Variants in TAF15 observed in about 807,000 individuals in gnomAD.
TAF15 encodes the protein TATA-binding protein-associated factor 2N.
A neutral mutation model predicts 102.5 loss-of-function variants in TAF15; 37 were observed. The ratio of observed to expected loss-of-function variants is 0.36; its 90% CI spans 0.28 to 0.47. The LOEUF (loss-of-function observed/expected upper bound fraction) is 0.47. Among genes scored for constraint, TAF15 ranks in the 20% least tolerant of loss-of-function variants. The pLI is 0.99. For missense variants in TAF15, 652 were observed against 760.7 expected (o/e 0.86, Z 1.68); for synonymous variants, 273 against 259.2 (o/e 1.05, Z -0.51).
At chr17:35,820,525 T>A in intron 5 of TAF15, 88 bp downstream of exon 5, 2 of 1,301,532 alleles carry the variant, frequency 1.5e-6, no homozygotes, top group African/African-American at 1.5e-5. Context: ...ATCCTAGCTT[T>A]AAACTTTTTT....
At chr17:35,822,917 T>TCCCAGCAC in intron 6 of TAF15, 84 bp downstream of exon 6, 1 of 1,524,120 alleles carries the variant, frequency 6.6e-7, no homozygotes. Flanking sequence ...CCACAGAGGA[T>TCCCAGCAC]TTCACCTGTT....
intron 7 of TAF15, among the ~76,000 whole-genome samples, chr17:35,825,274 A>G (rs1181427047): frequency 6.6e-6 from 1 of 152,242 alleles, no homozygotes; most frequent in East Asian, 1.9e-4. Flanking sequence ...AAATGTTATA[A>G]GACTTGGACA....
intron 1 of TAF15, among the ~76,000 whole-genome samples, chr17:35,816,533 C>G (rs2087196649): frequency 6.6e-6 from 1 of 152,270 alleles, no homozygotes; most frequent in South Asian, 2.1e-4. Flanking sequence ...TGTTTTAGAA[C>G]TATTTGACAA....
chr17:35,821,451 A>G (rs1394326906), intron 5 of TAF15, among the ~76,000 whole-genome samples: 2 of 152,212 alleles, frequency 1.3e-5, no homozygotes, highest in South Asian at 4.1e-4. Flanking sequence ...TTTGACAGCC[A>G]TTTTAAAGTG....
At chr17:35,816,714 C>G (rs963215972) in intron 1 of TAF15, 49 of 151,898 alleles carry the variant, frequency 3.2e-4, no homozygotes, top group Admixed American at 1.6e-3. Context: ...TAAATAGAAC[C>G]TCTTCAGTAA....
In TAF15 at chr17:35,846,198, A is replaced by G. The variant is rs534745382; in HGVS notation, c.1740-708A>G. On this transcript the variant is annotated intron_variant, in intron 15 of 15. Transcript: ENST00000605844. Reference sequence around the variant, plus strand: ...TGGGAAGCAGACTGTCTGGGTTTCAATCCTAACTCTACCACTTATTAGCTG... The same window carrying G: ...TGGGAAGCAGACTGTCTGGGTTTCAGTCCTAACTCTACCACTTATTAGCTG... Among the ~76,000 whole-genome samples the G allele has an allele frequency of 3.9e-5, 6 of 152,344 alleles. No individual in the cohort carries two copies. In the South Asian group the frequency reaches 6.2e-4, roughly 16 times the overall value.
chr17:35,831,589 G>A (rs918249321), intron 7 of TAF15, among the ~76,000 whole-genome samples: 7 of 152,034 alleles, frequency 4.6e-5, no homozygotes, highest in African/African-American at 1.7e-4. Context: ...GTATGAAATT[G>A]CATGTTTTCC....
chr17:35,834,743 T>C (rs989017414), intron 9 of TAF15, 145 bp downstream of exon 9: 18 of 426,862 alleles, frequency 4.2e-5, no homozygotes, highest in Non-Finnish European at 5.5e-5. Flanking sequence ...TTTATTTCTT[T>C]TTTTTTTTTT....
At chr17:35,839,661 C>T (rs982570193) in intron 11 of TAF15, among the ~76,000 whole-genome samples, 4 of 152,026 alleles carry the variant, frequency 2.6e-5, no homozygotes, top group Non-Finnish European at 4.4e-5. Context: ...GGATTACAGG[C>T]GTGAGCCACC....
chr17:35,835,772 G>A (rs1024287694), intron 9 of TAF15, among the ~76,000 whole-genome samples: 2 of 152,196 alleles, frequency 1.3e-5, no homozygotes, highest in African/African-American at 4.8e-5. Flanking sequence ...ATGTTTAACC[G>A]TAAAGAATTA....
At chr17:35,833,868 C>T (rs1319963426) in intron 7 of TAF15, 39 bp from the exon 8 acceptor site, 2 of 1,612,192 alleles carry the variant, frequency 1.2e-6, no homozygotes, top group Non-Finnish European at 1.7e-6. Flanking sequence ...ACATTAGAGA[C>T]TTAAGGAAGA....
chr17:35,844,416 A>G, intron 14 of TAF15, 48 bp downstream of exon 14: 3 of 1,611,076 alleles, frequency 1.9e-6, no homozygotes, highest in East Asian at 2.2e-5. Context: ...TCTTCTGACT[A>G]GCATTAAGGG....
At chr17:35,839,946 T>C (rs2087523638) in intron 11 of TAF15, among the ~76,000 whole-genome samples, 1 of 152,140 alleles carries the variant, frequency 6.6e-6, no homozygotes, top group Non-Finnish European at 1.5e-5. Flanking sequence ...TTACTGAGGT[T>C]TATGAGCTAA....
At chr17:35,841,619 G>A (rs2087546658) in intron 11 of TAF15, among the ~76,000 whole-genome samples, 2 of 151,282 alleles carry the variant, frequency 1.3e-5, no homozygotes, top group Non-Finnish European at 2.9e-5. Context: ...GCCCAGGCTG[G>A]TCCCAAACTC....
At position 35,817,872 on chromosome 17, in the gene TAF15, G is replaced by C. The variant is rs542524749; in HGVS notation, c.47+117G>C. 21 of 877,774 alleles carry C rather than the reference G, an allele frequency of 2.4e-5. No homozygotes were observed. In the African/African-American group the frequency reaches 2.8e-4, roughly 12 times the overall value. 54.4% of individuals were successfully genotyped at this position (877,774 alleles called of 1,614,324 possible). On this transcript the variant is annotated intron_variant, in intron 2 of 15. Transcript: ENST00000605844. ...ATAAGTTAAATATTAGCTTGTCACA[G>C]AGTGAAGAGAGTCAGTGTAAATAGG...
At chr17:35,846,293 G>A (rs1465632212) in intron 15 of TAF15, among the ~76,000 whole-genome samples, 1 of 152,190 alleles carries the variant, frequency 6.6e-6, no homozygotes, top group Non-Finnish European at 1.5e-5. Context: ...GGGCTAATAA[G>A]ACGTCCTTTT....
chr17:35,816,292 T>C (rs955305774), intron 1 of TAF15, among the ~76,000 whole-genome samples: 2 of 152,234 alleles, frequency 1.3e-5, no homozygotes, highest in Non-Finnish European at 2.9e-5. Flanking sequence ...TAAGGACATA[T>C]TGTATAATTA....
At chr17:35,842,234 CTT>C (rs2087557111) in intron 11 of TAF15, 131 bp from the exon 12 acceptor site, 2 of 710,570 alleles carry the variant, frequency 2.8e-6, no homozygotes, top group South Asian at 3.1e-5. Flanking sequence ...TATCTTGACT[CTT>C]TGCATTTGAA....
intron 1 of TAF15, among the ~76,000 whole-genome samples, chr17:35,816,289 A>C (rs112750371): frequency 6.6e-6 from 1 of 152,226 alleles, no homozygotes; most frequent in Non-Finnish European, 1.5e-5. Context: ...TTCTAAGGAC[A>C]TATTGTATAA....
Sources: gnomAD v4.1 joint callset for allele counts (sites outside exome capture counted in the v4.1 genomes callset) on GRCh38, gnomAD v4.1.1 for gene constraint, MANE v1.5 for transcripts, NCBI Gene and HGNC (gene_info 2026-07-23, HGNC 2026-07-21) for gene names.